TANC2: variants seen among roughly 807,000 people sequenced by gnomAD.
TANC2 encodes protein TANC2.
Under a neutral mutation model 210.5 loss-of-function variants are expected in TANC2, and 26 were observed. The ratio of observed to expected loss-of-function variants is 0.12; its 90% CI spans 0.09 to 0.17. The LOEUF (loss-of-function observed/expected upper bound fraction) is 0.17, where lower values mean the gene tolerates loss of function less well. Among genes scored for constraint, TANC2 ranks in the 10% least tolerant of loss-of-function variants. The probability of loss-of-function intolerance (pLI) is 1.00; values close to 1 mark genes in which losing one functional copy is unlikely to be tolerated. For missense variants in TANC2, 2,129 were observed against 2,608.9 expected, an observed-to-expected ratio of 0.82 and a Z score of 4.01; for synonymous variants, 931 against 967.1, an observed-to-expected ratio of 0.96 and a Z score of 0.69.
intron 3 of TANC2, among the ~76,000 whole-genome samples, chr17:63,082,139 C>G (rs564366244): frequency 6.6e-6 from 1 of 152,282 alleles, no homozygotes; most frequent in East Asian, 1.9e-4. Flanking sequence ...CCACTACACT[C>G]CAGCCTGGGC....
chr17:63,254,986 C>T (rs949898708), intron 8 of TANC2, among the ~76,000 whole-genome samples: 7 of 151,988 alleles, frequency 4.6e-5, no homozygotes, highest in Non-Finnish European at 1.0e-4. Context: ...AATCTAGAAT[C>T]ATAGAATGAG....
At chr17:63,398,972 C>G (rs1362761594) in intron 19 of TANC2, 58 bp downstream of exon 19, 6 of 1,273,270 alleles carry the variant, frequency 4.7e-6, no homozygotes, top group Non-Finnish European at 6.6e-6. Flanking sequence ...ACTCTCGAAT[C>G]TCACCCCCTT....
At position 63,411,616 on chromosome 17, in the gene TANC2, C is replaced by T. The variant is rs758478943; in HGVS notation, c.3695C>T (p.Ala1232Val). Reference sequence around the variant, plus strand: ...CGTTCTCTGGTGGATAACGGAGCTGCCACAGACCATGCTGACAAGAATGGC... The same window carrying T: ...CGTTCTCTGGTGGATAACGGAGCTGTCACAGACCATGCTGACAAGAATGGC... Residue 1232 changes from alanine (A) to valine (V), a missense_variant, in exon 22 of 28, where the codon GCC becomes GTC. Ala to Val is a moderately conservative substitution (Grantham distance 64). Around this residue, in one of 5 missense-constraint regions of TANC2, gnomAD observed 644 missense variants for 937.5 expected, o/e 0.69. Transcript: ENST00000689528. 3.1e-6 allele frequency: 5 copies of T among 1,613,874 alleles called. No homozygotes were observed. The African/African-American group carries it at 6.7e-5, about 22-fold the overall frequency.
chr17:63,043,957 A>G (rs1384961467), intron 2 of TANC2, among the ~76,000 whole-genome samples: 1 of 152,130 alleles, frequency 6.6e-6, no homozygotes, highest in Non-Finnish European at 1.5e-5. Context: ...ACTTCTGTGT[A>G]TTTCTGAACT....
chr17:63,345,500 T>C (rs1300467487), intron 12 of TANC2, among the ~76,000 whole-genome samples: 1 of 151,336 alleles, frequency 6.6e-6, no homozygotes. Flanking sequence ...ATGCCTGTAA[T>C]CCCAGCTACT....
chr17:63,076,945 T>C (rs959435162), intron 3 of TANC2, among the ~76,000 whole-genome samples: 1 of 152,132 alleles, frequency 6.6e-6, no homozygotes, highest in Non-Finnish European at 1.5e-5. Context: ...ATAATAGTTG[T>C]CAAAAGAAAC....
intron 5 of TANC2, among the ~76,000 whole-genome samples, chr17:63,181,018 C>A: frequency 1.1e-5 from 1 of 91,030 alleles, no homozygotes. Context: ...AGTGAGACTC[C>A]ATCTCAAAAA....
At chr17:63,039,650 G>C (rs907942135) in intron 2 of TANC2, among the ~76,000 whole-genome samples, 1 of 152,176 alleles carries the variant, frequency 6.6e-6, no homozygotes, top group African/African-American at 2.4e-5. Flanking sequence ...CCGTCAATAT[G>C]ATCCAGAGGT....
At chr17:63,018,226 C>T (rs1451782334) in intron 2 of TANC2, among the ~76,000 whole-genome samples, 1 of 152,144 alleles carries the variant, frequency 6.6e-6, no homozygotes, top group African/African-American at 2.4e-5. Flanking sequence ...CGCCGTGGCT[C>T]ATGCCTGTAA....
At chr17:63,331,545 G>A (rs913889892) in intron 11 of TANC2, among the ~76,000 whole-genome samples, 5 of 152,162 alleles carry the variant, frequency 3.3e-5, no homozygotes, top group Non-Finnish European at 5.9e-5. Flanking sequence ...ATTCTTCTTC[G>A]TATTACTGGT....
At chr17:63,358,352 T>TGAGAGAGA (rs5821386) in intron 14 of TANC2, among the ~76,000 whole-genome samples, 6 of 138,056 alleles carry the variant, frequency 4.3e-5, no homozygotes, top group African/African-American at 1.7e-4. Flanking sequence ...GTGAGTAGAG[T>TGAGAGAGA]GAGAGAGAGA....
intron 1 of TANC2, among the ~76,000 whole-genome samples, chr17:62,971,519 A>G (rs774851410): frequency 1.3e-5 from 2 of 152,198 alleles, no homozygotes; most frequent in Non-Finnish European, 2.9e-5. Flanking sequence ...TTGTAGAGAC[A>G]GTGTTTCACT....
chr17:63,335,927 C>A (rs1472881155), intron 11 of TANC2, among the ~76,000 whole-genome samples: 3 of 149,834 alleles, frequency 2.0e-5, no homozygotes, highest in Non-Finnish European at 3.0e-5. Flanking sequence ...AAAGTTAGTT[C>A]AAAGTAAAAA....
In TANC2 at chr17:63,267,731, C is replaced by A. The variant is rs1302837511; in HGVS notation, c.1034-17C>A. ...TCTGAACTTAAATATTCTAACTAAA[C>A]TTTTCTTTCTTGTCAGCCACCAGCT... On this transcript the variant is annotated splice_polypyrimidine_tract_variant and intron_variant, in intron 8 of 27. Transcript: ENST00000689528. 3 of 1,609,234 alleles carry A rather than the reference C, an allele frequency of 1.9e-6. No homozygotes were observed. Among genetic ancestry groups the A allele is most frequent in the Non-Finnish European group, 2.5e-6 (3 of 1,177,510 alleles).
chr17:63,131,391 G>C (rs2038912767), intron 4 of TANC2, among the ~76,000 whole-genome samples: 1 of 152,218 alleles, frequency 6.6e-6, no homozygotes, highest in South Asian at 2.1e-4. Context: ...GGCAAAGAAA[G>C]AGGTTGGGAT....
chr17:63,314,430 C>T, exon 10 of TANC2: 1 of 1,613,916 alleles, frequency 6.2e-7, no homozygotes, highest in Non-Finnish European at 8.5e-7. Flanking sequence ...TCCTTGAAGC[C>T]TCTGCTCTTT....
intron 9 of TANC2, among the ~76,000 whole-genome samples, chr17:63,278,355 C>T (rs899215492): frequency 2.0e-5 from 3 of 151,714 alleles, no homozygotes; most frequent in Admixed American, 6.6e-5. Context: ...TACAAATAGC[C>T]AATAGGTATA....
At position 63,359,226 on chromosome 17, in the gene TANC2, ATT is replaced by A. The variant is rs528562592; in HGVS notation, c.2582+3843_2582+3844del. ...CCACAGGCACATGCCACCATGCCTA[ATT>A]TTTTTTGTTTGTAGAGAAAGAGTCT... On this transcript the variant is annotated intron_variant, in intron 14 of 27. Transcript: ENST00000689528. 5.7e-3 allele frequency among the ~76,000 whole-genome samples: 860 copies of A among 151,666 alleles called. 7 individuals carry two copies. Among genetic ancestry groups the A allele is most frequent in the African/African-American group, 0.02 (809 of 41,356 alleles).
At chr17:63,257,797 C>A (rs925904949) in intron 8 of TANC2, among the ~76,000 whole-genome samples, 1 of 152,164 alleles carries the variant, frequency 6.6e-6, no homozygotes, top group South Asian at 2.1e-4. Context: ...TGCTTTTTAA[C>A]TTTGTATTGT....
Sources: gnomAD v4.1 joint callset for allele counts (sites outside exome capture counted in the v4.1 genomes callset) on GRCh38, gnomAD v4.1.1 for gene constraint, gnomAD v4.1.1 regional missense constraint, MANE v1.5 for transcripts, NCBI Gene and HGNC (gene_info 2026-07-23, HGNC 2026-07-21) for gene names.